The following FBXL3 variants were observed in gnomAD, a reference collection of about 807,000 sequenced individuals.
The protein encoded by FBXL3 is F-box/LRR-repeat protein 3.
Under a neutral mutation model 37.9 loss-of-function variants are expected in FBXL3, and 14 were observed. The observed-to-expected ratio is 0.37, with a 90% CI of 0.24 to 0.58. FBXL3 has a LOEUF of 0.58. Among genes scored for constraint, FBXL3 ranks in the 20% least tolerant of loss-of-function variants. The pLI, the probability that FBXL3 is intolerant of heterozygous loss-of-function variation, is 0.74. For missense variants in FBXL3, 327 were observed against 511.1 expected (o/e 0.64, Z 3.47); for synonymous variants, 194 against 180.1 (o/e 1.08, Z -0.62).
At chr13:77,017,819 T>C (rs1346937927) in intron 3 of FBXL3, 1 of 152,134 alleles carries the variant, frequency 6.6e-6, no homozygotes, top group Non-Finnish European at 1.5e-5. Context: ...TATATTCAAT[T>C]TAGTTATATT....
chr13:77,026,725 C>G (rs1190085205), intron 1 of FBXL3, 102 bp downstream of exon 1: 5 of 132,896 alleles, frequency 3.8e-5, no homozygotes, highest in Middle Eastern at 4.0e-3. Flanking sequence ...GCCCCCGCGC[C>G]CCCCCCCACC....
chr13:77,020,116 C>T (rs1425499059), intron 2 of FBXL3, among the ~76,000 whole-genome samples: 3 of 152,080 alleles, frequency 2.0e-5, no homozygotes, highest in African/African-American at 7.2e-5. Context: ...GGGATGAGTC[C>T]TGAATTTTTG....
intron 2 of FBXL3, among the ~76,000 whole-genome samples, chr13:77,020,118 G>T (rs2034713899): frequency 6.6e-6 from 1 of 152,104 alleles, no homozygotes; most frequent in Admixed American, 6.5e-5. Context: ...GATGAGTCCT[G>T]AATTTTTGTT....
At position 77,021,669 on chromosome 13, in the gene FBXL3, G is replaced by A; in HGVS notation, c.192C>T (p.Arg64=). 6.2e-7 allele frequency: 1 copy of A among 1,614,046 alleles called. No individual in the cohort carries two copies. Among genetic ancestry groups the A allele is most frequent in the South Asian group, 1.1e-5 (1 of 91,088 alleles). The change falls in exon 2 of 5, where the codon CGC becomes CGT. Residue 64 remains arginine (R), a synonymous_variant. Transcript: ENST00000355619. ...GCATGTGAAATACCTGGTTCCAGTT[G>A]CGGCAAACTTGTGAAGCATGAGCCC... ...LDRAHASQVC[R]NWNQVFHMPD...
Position 77,006,872 on chromosome 13 carries a change from G to A in FBXL3, c.*273C>T. On this transcript the variant is annotated 3_prime_UTR_variant, in exon 5 of 5. Coordinates refer to ENST00000355619, the MANE Select transcript of FBXL3 (RefSeq NM_012158.4). ...ATATAGGTTTTGTTTCCTTTAGACT[G>A]TAAACTGTTTAATACGTATAACTGG... 2 of 1,218,546 alleles carry A rather than the reference G, an allele frequency of 1.6e-6. No individual in the cohort carries two copies. The highest frequency in any genetic ancestry group is 2.1e-6 in the Non-Finnish European group (2 of 975,364). 75.5% of individuals were successfully genotyped at this position (1,218,546 alleles called of 1,614,324 possible). A position where few individuals can be genotyped will look rare whatever the true frequency, so the allele number is the denominator to read the frequency against.
chr13:77,021,741 A>G lies in FBXL3; in HGVS notation c.120T>C (p.Leu40=), dbSNP rs1194216341. The G allele has an allele frequency of 6.2e-7, 1 of 1,613,754 alleles. No individual in the cohort carries two copies. Among genetic ancestry groups the G allele is most frequent in the East Asian group, 2.2e-5 (1 of 44,884 alleles). The change falls in exon 2 of 5, where the codon CTT becomes CTC. Residue 40 remains leucine, a synonymous_variant. Coordinates refer to ENST00000355619, the MANE Select transcript of FBXL3 (RefSeq NM_012158.4). The stretch of plus-strand genomic sequence containing the variant: ...TAAATACTTGGAGAATAATGTCCTG[A>G]AGGAGATTACCCCAATCACAAGTCT... ...HSQTCDWGNL[L]QDIILQVFKY...
At chr13:77,024,799 TAA>T (rs754234184) in intron 1 of FBXL3, among the ~76,000 whole-genome samples, 2 of 152,172 alleles carry the variant, frequency 1.3e-5, no homozygotes, top group African/African-American at 2.4e-5. Context: ...ATAGCTGAAT[TAA>T]GTCTGTTAAT....
chr13:77,008,398 G>A (rs1430030609), intron 4 of FBXL3, among the ~76,000 whole-genome samples: 1 of 152,114 alleles, frequency 6.6e-6, no homozygotes, highest in Non-Finnish European at 1.5e-5. Context: ...TCACATTAAT[G>A]GAAATATTCA....
intron 1 of FBXL3, among the ~76,000 whole-genome samples, chr13:77,022,329 A>T (rs1187778488): frequency 6.6e-6 from 1 of 152,204 alleles, no homozygotes; most frequent in African/African-American, 2.4e-5. Context: ...TTAATAGTCT[A>T]TACAGGGGTC....
chr13:77,024,050 T>C (rs1432300648), intron 1 of FBXL3, among the ~76,000 whole-genome samples: 4 of 151,986 alleles, frequency 2.6e-5, no homozygotes, highest in East Asian at 1.9e-4. Context: ...AGAGAGAAAA[T>C]AGAATGACAG....
chr13:77,021,907 T>A, intron 1 of FBXL3, 46 bp from the exon 2 acceptor site: 1 of 1,455,948 alleles, frequency 6.9e-7, no homozygotes, highest in Non-Finnish European at 9.3e-7. Context: ...AACTTTTGAA[T>A]AGAAATAAAC....
intron 1 of FBXL3, among the ~76,000 whole-genome samples, chr13:77,023,106 C>T (rs1368522619): frequency 6.6e-6 from 1 of 152,146 alleles, no homozygotes; most frequent in African/African-American, 2.4e-5. Context: ...AGGGTTACTA[C>T]CCAGAAGGCA....
intron 1 of FBXL3, among the ~76,000 whole-genome samples, chr13:77,023,621 T>A (rs1434168728): frequency 6.6e-6 from 1 of 152,236 alleles, no homozygotes; most frequent in East Asian, 1.9e-4. Flanking sequence ...TGGTAGTTAC[T>A]TAGTTCAGAG....
intron 4 of FBXL3, chr13:77,015,150 T>C: frequency 3.9e-6 from 1 of 255,604 alleles, no homozygotes; most frequent in Non-Finnish European, 7.3e-6. Context: ...ATACTGTCCT[T>C]TCCTCTTTTT....
intron 4 of FBXL3, chr13:77,010,314 CTG>C (rs966404232): frequency 6.6e-6 from 1 of 151,976 alleles, no homozygotes; most frequent in African/African-American, 2.4e-5. Flanking sequence ...ATGAAAGAAA[CTG>C]TGGAGTATCA....
intron 3 of FBXL3, chr13:77,017,330 CCATAT>C (rs1268440196): frequency 2.6e-5 from 4 of 152,030 alleles, no homozygotes; most frequent in African/African-American, 9.7e-5. Flanking sequence ...TACATACATA[CCATAT>C]GAGTCAGTAT....
In FBXL3 at chr13:77,018,711, G is replaced by C; in HGVS notation, c.360C>G (p.Ser120Arg). The C allele has an allele frequency of 6.4e-7, 1 of 1,568,128 alleles. No homozygotes were observed. Among genetic ancestry groups the C allele is most frequent in the Non-Finnish European group, 8.6e-7 (1 of 1,161,112 alleles). Residue 120 changes from serine to arginine, a missense_variant, in exon 3 of 5, where the codon AGC becomes AGG. By Grantham distance (110) the Ser-to-Arg change is moderately radical. Transcript: ENST00000355619. ...CACAAGCTGCTTCAGCTGATTCCTT[G>C]CTGCTGTCCACCTTAGAAAAGAAAC... Reference protein sequence around the residue: ...LQYVSFKVDSSKESAEAACDI... With the variant: ...LQYVSFKVDSRKESAEAACDI...
At chr13:77,021,973 A>G in intron 1 of FBXL3, 112 bp from the exon 2 acceptor site, 1 of 837,056 alleles carries the variant, frequency 1.2e-6, no homozygotes, top group Middle Eastern at 2.5e-4. Context: ...AACATGCAGG[A>G]AAAACTGGAT....
rs1593931925 is a variant in FBXL3 at position 77,018,590 on chromosome 13, C to T, written c.471+10G>A. 6.4e-7 allele frequency: 1 copy of T among 1,550,878 alleles called. No homozygotes were observed. The highest frequency in any genetic ancestry group is 8.7e-7 in the Non-Finnish European group (1 of 1,155,146). On this transcript the variant is annotated intron_variant, in intron 3 of 4. Coordinates refer to ENST00000355619, the MANE Select transcript of FBXL3 (RefSeq NM_012158.4). The stretch of plus-strand genomic sequence containing the variant: ...TCAGTAATAGATAATAAAACAAAAA[C>T]AGCAGATACCTTTGGTAAATCCATA...
Sources: gnomAD v4.1 joint callset for allele counts (sites outside exome capture counted in the v4.1 genomes callset) on GRCh38, gnomAD v4.1.1 for gene constraint, MANE v1.5 for transcripts, NCBI Gene and HGNC (gene_info 2026-07-23, HGNC 2026-07-21) for gene names.